Variants in ADCY3 observed in about 807,000 individuals in gnomAD.
The protein encoded by ADCY3 is adenylate cyclase 3, also known as adenylate cyclase type 3.
Under a neutral mutation model 119.4 loss-of-function variants are expected in ADCY3, and 70 were observed. The ratio of observed to expected loss-of-function variants is 0.59; its 90% confidence interval spans 0.48 to 0.72. The LOEUF (loss-of-function observed/expected upper bound fraction) is 0.72. Ranked by LOEUF, ADCY3 falls within the 30% of genes least tolerant of loss-of-function variation. The pLI, the probability that ADCY3 is intolerant of heterozygous loss-of-function variation, is 0.00. For synonymous variants in ADCY3, 672 were observed against 621.4 expected, an observed-to-expected ratio of 1.08 and a Z score of -1.21; for missense variants, 1,238 against 1,541.6, an observed-to-expected ratio of 0.80 and a Z score of 3.30.
At chr2:24,909,535 T>C (rs960762692) in intron 2 of ADCY3, among the ~76,000 whole-genome samples, 2 of 152,168 alleles carry the variant, frequency 1.3e-5, no homozygotes, top group Admixed American at 6.5e-5. Flanking sequence ...GCAAAGTCTA[T>C]ACAGATGAAT....
intron 2 of ADCY3, among the ~76,000 whole-genome samples, chr2:24,913,353 G>A (rs1229983277): frequency 1.3e-5 from 2 of 152,214 alleles, no homozygotes; most frequent in Non-Finnish European, 2.9e-5. Flanking sequence ...GGAGAAGGGG[G>A]TGCCTCCTGT....
Position 24,824,349 on chromosome 2 carries a change from T to C in ADCY3, c.2736+29A>G, listed in dbSNP as rs372582116. ...GAACAGATGGAGACAAATGGCCTCA[T>C]GGTTCCGGGCTGAGACCACACCCCT... On this transcript the variant is annotated intron_variant, in intron 17 of 21. Coordinates refer to ENST00000679454, the MANE Select transcript of ADCY3 (RefSeq NM_004036.5). 6 of 1,608,710 alleles carry C rather than the reference T, an allele frequency of 3.7e-6. No homozygotes were observed. The African/African-American group carries it at 4.0e-5, about 11-fold the overall frequency.
At chr2:24,874,096 T>A (rs536049274) in intron 2 of ADCY3, among the ~76,000 whole-genome samples, 367 of 152,204 alleles carry the variant, frequency 2.4e-3, no homozygotes, top group Non-Finnish European at 3.7e-3. Flanking sequence ...CTGAACTGTG[T>A]TGTGTTTCAT....
chr2:24,881,672 T>C (rs1402165632), intron 2 of ADCY3, among the ~76,000 whole-genome samples: 1 of 152,208 alleles, frequency 6.6e-6, no homozygotes, highest in African/African-American at 2.4e-5. Flanking sequence ...TGTGAACAGC[T>C]ACAGTGGTAA....
intron 2 of ADCY3, among the ~76,000 whole-genome samples, chr2:24,891,290 T>C (rs1677626268): frequency 6.6e-6 from 1 of 152,182 alleles, no homozygotes; most frequent in Admixed American, 6.5e-5. Context: ...AAGAAATAAA[T>C]AATTCATAAG....
At chr2:24,889,278 C>A (rs1309560439) in intron 2 of ADCY3, among the ~76,000 whole-genome samples, 3 of 152,202 alleles carry the variant, frequency 2.0e-5, no homozygotes, top group African/African-American at 7.2e-5. Context: ...CTAGTTTGAA[C>A]AGAAAGCACA....
In ADCY3 at chr2:24,831,700, T is replaced by A; in HGVS notation, c.2017A>T (p.Ile673Phe). 1 of 1,613,914 alleles carries A rather than the reference T, an allele frequency of 6.2e-7. No homozygotes were observed. Among genetic ancestry groups the A allele is most frequent in the Non-Finnish European group, 8.5e-7 (1 of 1,179,966 alleles). The change falls in exon 12 of 22, where the codon ATC becomes TTC. Residue 673 changes from isoleucine to phenylalanine, a missense_variant. Ile to Phe is a conservative substitution (Grantham distance 21, BLOSUM62 0). Around this residue, in one of 7 missense-constraint regions of ADCY3, gnomAD observed 499 missense variants for 571.0 expected, o/e 0.87. Transcript: ENST00000679454. Reference protein sequence around the residue: ...TFMVGEILLLILTICSLAAIF... With the variant: ...TFMVGEILLLFLTICSLAAIF... Reference sequence around the variant, plus strand: ...GCAGCCAGGGAGCAGATGGTCAGGATGAGGAGCAGAATCTCCCCCACCATG... The same window carrying A: ...GCAGCCAGGGAGCAGATGGTCAGGAAGAGGAGCAGAATCTCCCCCACCATG...
intron 21 of ADCY3, 36 bp from the exon 22 acceptor site, chr2:24,820,150 G>T (rs191188377): frequency 2.0e-6 from 3 of 1,505,800 alleles, no homozygotes; most frequent in Middle Eastern, 1.8e-4. Flanking sequence ...GTGGCGTTAC[G>T]GGGGGAGCCT....
At chr2:24,830,318 C>T (rs568172428) in intron 13 of ADCY3, among the ~76,000 whole-genome samples, 8 of 152,270 alleles carry the variant, frequency 5.3e-5, no homozygotes, top group African/African-American at 1.4e-4. Context: ...GGATTACAGG[C>T]GTGAGCTACC....
At chr2:24,865,471 G>A (rs1423777775) in intron 3 of ADCY3, among the ~76,000 whole-genome samples, 1 of 148,340 alleles carries the variant, frequency 6.7e-6, no homozygotes, top group Non-Finnish European at 1.5e-5. Context: ...TAGTACAAAA[G>A]AGTGAATAGG....
chr2:24,837,574 ATGACACGACTTCCC>A (rs1407147006), intron 8 of ADCY3, among the ~76,000 whole-genome samples: 2 of 152,226 alleles, frequency 1.3e-5, no homozygotes, highest in Admixed American at 1.3e-4. Context: ...GCAGTCTCAA[ATGACACGACTTCCC>A]TGACAGTCAC....
chr2:24,848,264 G>T (rs1370530109), intron 3 of ADCY3, among the ~76,000 whole-genome samples: 1 of 152,258 alleles, frequency 6.6e-6, no homozygotes, highest in Non-Finnish European at 1.5e-5. Context: ...ACAAACAATA[G>T]CATGAGCAAT....
intron 3 of ADCY3, among the ~76,000 whole-genome samples, chr2:24,843,706 A>C (rs185467629): frequency 1.3e-5 from 2 of 151,934 alleles, no homozygotes; most frequent in South Asian, 4.2e-4. Flanking sequence ...GAGGGCAAAG[A>C]CAGGGTTTGG....
At chr2:24,849,809 C>T (rs780367533) in intron 3 of ADCY3, among the ~76,000 whole-genome samples, 1 of 152,130 alleles carries the variant, frequency 6.6e-6, no homozygotes, top group Admixed American at 6.5e-5. Flanking sequence ...CCCCCTGCCA[C>T]CCCCCAAGCC....
intron 3 of ADCY3, among the ~76,000 whole-genome samples, chr2:24,863,215 G>A (rs1231630324): frequency 2.0e-5 from 3 of 152,112 alleles, no homozygotes; most frequent in Admixed American, 6.5e-5. Flanking sequence ...CATTTGAGTC[G>A]GTGGGCTGGG....
chr2:24,919,130 C>T lies in ADCY3; in HGVS notation c.-143G>A, dbSNP rs1385460339. ...GTCTGGGGCGGAGGGGAGGCCACCTCCAGCAGGAACGCAGAGCGGGTTTCC... is the reference window on the plus strand; with the variant it reads ...GTCTGGGGCGGAGGGGAGGCCACCTTCAGCAGGAACGCAGAGCGGGTTTCC... On this transcript the variant is annotated 5_prime_UTR_variant, in exon 2 of 22. Transcript: ENST00000679454. This position sits in a 1 kb window ranked among gnomAD's most constrained non-coding sequence, Gnocchi z 5.5. The T allele has an allele frequency of 3.7e-6, 3 of 806,336 alleles. No homozygotes were observed. Among genetic ancestry groups the T allele is most frequent in the Admixed American group, 2.9e-5 (1 of 34,226 alleles). 49.9% of individuals were successfully genotyped at this position (806,336 alleles called of 1,614,324 possible). A position where few individuals can be genotyped will look rare whatever the true frequency, so the allele number is the denominator to read the frequency against.
intron 2 of ADCY3, among the ~76,000 whole-genome samples, chr2:24,887,217 A>T (rs908949142): frequency 2.0e-5 from 3 of 152,092 alleles, no homozygotes; most frequent in African/African-American, 7.2e-5. Flanking sequence ...TTATAATACC[A>T]TCGGATCTTG....
intron 3 of ADCY3, among the ~76,000 whole-genome samples, chr2:24,870,371 C>T (rs1205282589): frequency 6.7e-6 from 1 of 149,032 alleles, no homozygotes; most frequent in African/African-American, 2.5e-5. Context: ...AAAAGTTTTA[C>T]ATATGGGGAT....
At chr2:24,912,533 G>C (rs1030834102) in intron 2 of ADCY3, among the ~76,000 whole-genome samples, 8 of 151,396 alleles carry the variant, frequency 5.3e-5, no homozygotes, top group Non-Finnish European at 1.0e-4. Context: ...GGCAGACCAA[G>C]CCCAGGAGTG....
Sources: allele counts gnomAD v4.1 joint callset (sites outside exome capture counted in the v4.1 genomes callset), GRCh38; gene constraint gnomAD v4.1.1; regional missense constraint gnomAD v4.1.1; non-coding constraint Gnocchi (gnomAD v3.1); transcripts MANE v1.5; gene names NCBI Gene and HGNC (gene_info 2026-07-23, HGNC 2026-07-21).